Variants in PTBP3 observed in about 807,000 individuals in gnomAD.
The protein encoded by PTBP3 is polypyrimidine tract-binding protein 3.
PTBP3 carries 20 observed loss-of-function variants against 58.7 expected under a neutral mutation model. That is an observed-to-expected ratio of 0.34 (90% confidence interval 0.24 to 0.50). PTBP3 has a LOEUF of 0.50. PTBP3 is among the 20% of genes least tolerant of loss of function. PTBP3 has a pLI of 0.98. For missense variants in PTBP3, 509 were observed against 637.2 expected (o/e 0.80, Z 2.17); for synonymous variants, 185 against 219.8 (o/e 0.84, Z 1.40).
intron 10 of PTBP3, among the ~76,000 whole-genome samples, chr9:112,230,653 T>A (rs1417298773): frequency 6.6e-6 from 1 of 152,186 alleles, no homozygotes; most frequent in Non-Finnish European, 1.5e-5. Context: ...TACCCTTGGA[T>A]TACTGAATCA....
At chr9:112,265,199 C>G (rs896889964) in intron 4 of PTBP3, among the ~76,000 whole-genome samples, 1 of 151,916 alleles carries the variant, frequency 6.6e-6, no homozygotes, top group South Asian at 2.1e-4. Flanking sequence ...AGATCTTGCT[C>G]TGCAATACAT....
At chr9:112,312,493 T>TG (rs1353403853) in intron 1 of PTBP3, among the ~76,000 whole-genome samples, 5 of 146,760 alleles carry the variant, frequency 3.4e-5, no homozygotes, top group East Asian at 3.9e-4. Context: ...TTTTTGTTTT[T>TG]TTTTTTTAAA....
chr9:112,365,038 T>C, the PTBP3 span, among the ~76,000 whole-genome samples: 2 of 152,226 alleles, frequency 1.3e-5, no homozygotes, highest in Admixed American at 6.5e-5. Flanking sequence ...AGTGAGATCA[T>C]GCCTTTCTGT....
chr9:112,366,146 G>C, the PTBP3 span, among the ~76,000 whole-genome samples: 23 of 152,150 alleles, frequency 1.5e-4, no homozygotes, highest in South Asian at 4.1e-4. Flanking sequence ...AGCTGGGTGT[G>C]GGGGTGCATG....
intron 1 of PTBP3, among the ~76,000 whole-genome samples, chr9:112,299,453 T>C (rs1828822078): frequency 6.6e-6 from 1 of 152,094 alleles, no homozygotes; most frequent in South Asian, 2.1e-4. Context: ...AGAAGATATC[T>C]GCGATATGTA....
chr9:112,367,539 C>A, the PTBP3 span, among the ~76,000 whole-genome samples: 1 of 152,054 alleles, frequency 6.6e-6, no homozygotes, highest in Non-Finnish European at 1.5e-5. Context: ...TGTTAGTTGG[C>A]AGGTATAGTA....
chr9:112,227,406 C>A lies in PTBP3; in HGVS notation c.1364+5G>T. 1 of 1,610,310 alleles carries A rather than the reference C, an allele frequency of 6.2e-7. No homozygotes were observed. Among genetic ancestry groups the A allele is most frequent in the Non-Finnish European group, 8.5e-7 (1 of 1,176,624 alleles). ...TAAGTGATTAATAACTTATTAGGTA[C>A]ATACGGAATGTTGGAAAGATGCAGA... On this transcript the variant is annotated splice_donor_5th_base_variant and intron_variant, in intron 12 of 13. Coordinates refer to ENST00000374257, the MANE Select transcript of PTBP3 (RefSeq NM_001163788.4).
chr9:112,349,585 G>A, the PTBP3 span, among the ~76,000 whole-genome samples: 1 of 151,960 alleles, frequency 6.6e-6, no homozygotes, highest in Non-Finnish European at 1.5e-5. Flanking sequence ...TTTACCAGGC[G>A]CGGTGGCTCA....
At chr9:112,339,281 ACT>A in the PTBP3 span, among the ~76,000 whole-genome samples, 1 of 99,410 alleles carries the variant, frequency 1.0e-5, no homozygotes, top group Non-Finnish European at 1.9e-5. Flanking sequence ...ACACAGCAAG[ACT>A]CTGTCTCAAA....
chr9:112,339,566 CT>C, the PTBP3 span, among the ~76,000 whole-genome samples: 775 of 143,382 alleles, frequency 5.4e-3, 6 homozygotes, highest in African/African-American at 0.016. Flanking sequence ...TCTTTTCACT[CT>C]TTTTTTTTTT....
upstream of PTBP3, chr9:112,333,764 C>T: frequency 3.3e-6 from 1 of 300,518 alleles, no homozygotes; most frequent in Non-Finnish European, 6.1e-6. Flanking sequence ...CTCGCGCCCA[C>T]CCTCGCCCCG....
Position 112,221,325 on chromosome 9 carries a change from G to T in PTBP3, c.*2526C>A, listed in dbSNP as rs1834799595. 2.0e-6 allele frequency: 2 copies of T among 985,428 alleles called. No individual in the cohort carries two copies. The highest frequency in any genetic ancestry group is 4.7e-5 in the South Asian group (1 of 21,262). 61.0% of individuals were successfully genotyped at this position (985,428 alleles called of 1,614,324 possible). A position where few individuals can be genotyped will look rare whatever the true frequency, so the allele number is the denominator to read the frequency against. On this transcript the variant is annotated 3_prime_UTR_variant, in exon 14 of 14. Coordinates refer to ENST00000374257, the MANE Select transcript of PTBP3 (RefSeq NM_001163788.4). ...CACCCCTACACAAATCCCTGAAAAG[G>T]ATTCAAATGTTCTCTCTCAGACTTA...
At chr9:112,342,406 T>C in the PTBP3 span, among the ~76,000 whole-genome samples, 1 of 152,204 alleles carries the variant, frequency 6.6e-6, no homozygotes, top group East Asian at 1.9e-4. Flanking sequence ...AGCCTGAATA[T>C]ACTCTATAAC....
chr9:112,240,648 G>GTTTTTTT (rs35228236), intron 7 of PTBP3, among the ~76,000 whole-genome samples: 1 of 147,352 alleles, frequency 6.8e-6, no homozygotes, highest in Non-Finnish European at 1.5e-5. Flanking sequence ...ACTCCTACTT[G>GTTTTTTT]TTTTTTTTTT....
the PTBP3 span, among the ~76,000 whole-genome samples, chr9:112,359,056 A>C: frequency 6.6e-6 from 1 of 152,266 alleles, no homozygotes; most frequent in Non-Finnish European, 1.5e-5. Context: ...GGCTGGTCTC[A>C]AACGCCAGGA....
At chr9:112,305,289 C>G (rs1036174305) in intron 1 of PTBP3, among the ~76,000 whole-genome samples, 1 of 148,346 alleles carries the variant, frequency 6.7e-6, no homozygotes, top group African/African-American at 2.5e-5. Flanking sequence ...TGCCTAGTGG[C>G]CTTGGGTCAC....
At chr9:112,320,946 A>C (rs1209367004) in intron 1 of PTBP3, among the ~76,000 whole-genome samples, 1 of 152,244 alleles carries the variant, frequency 6.6e-6, no homozygotes, top group African/African-American at 2.4e-5. Context: ...CTTCCTTCTC[A>C]TCTTTGGAAT....
chr9:112,371,802 T>C, the PTBP3 span, among the ~76,000 whole-genome samples: 1 of 152,100 alleles, frequency 6.6e-6, no homozygotes, highest in Non-Finnish European at 1.5e-5. Flanking sequence ...GGCATGATCA[T>C]GGCCCACTGC....
chr9:112,320,980 G>A (rs567180330), intron 1 of PTBP3, among the ~76,000 whole-genome samples: 1 of 152,142 alleles, frequency 6.6e-6, no homozygotes, highest in African/African-American at 2.4e-5. Flanking sequence ...AGCTAGATGA[G>A]ACATACAAAG....
Sources: gnomAD v4.1 joint callset for allele counts (sites outside exome capture counted in the v4.1 genomes callset) on GRCh38, gnomAD v4.1.1 for gene constraint, MANE v1.5 for transcripts, NCBI Gene and HGNC (gene_info 2026-07-23, HGNC 2026-07-21) for gene names.